Variants in ADCY9 observed in about 807,000 individuals in gnomAD.
ADCY9 encodes adenylate cyclase 9, also known as adenylate cyclase type 9.
A neutral mutation model predicts 101.5 loss-of-function variants in ADCY9; 50 were observed. That is an observed-to-expected ratio of 0.49 (90% CI 0.39 to 0.62). The LOEUF is 0.62. Among genes scored for constraint, ADCY9 ranks in the 20% least tolerant of loss-of-function variants. The probability of loss-of-function intolerance (pLI) is 0.00; values close to 1 mark genes in which losing one functional copy is unlikely to be tolerated. For synonymous variants in ADCY9, 905 were observed against 769.3 expected (o/e 1.18, Z -2.92); for missense variants, 1,662 against 1,800.4 (o/e 0.92, Z 1.39).
intron 6 of ADCY9, among the ~76,000 whole-genome samples, chr16:3,986,472 G>A (rs371985247): frequency 1.3e-3 from 194 of 152,056 alleles, no homozygotes; most frequent in African/African-American, 4.1e-3. Flanking sequence ...TTTTTGAGAC[G>A]GAGTTTCACT....
chr16:4,087,494 T>A (rs143715428), intron 2 of ADCY9, among the ~76,000 whole-genome samples: 1 of 149,856 alleles, frequency 6.7e-6, no homozygotes, highest in African/African-American at 2.5e-5. Flanking sequence ...TATGATCACA[T>A]TGCTGCACTC....
intron 2 of ADCY9, among the ~76,000 whole-genome samples, chr16:4,113,259 G>T (rs139472766): frequency 2.6e-5 from 4 of 151,964 alleles, no homozygotes; most frequent in African/African-American, 9.7e-5. Flanking sequence ...GCAGGACTGC[G>T]CCGACTTCCT....
intron 2 of ADCY9, among the ~76,000 whole-genome samples, chr16:4,056,364 C>T (rs2056738129): frequency 6.6e-6 from 1 of 152,202 alleles, no homozygotes; most frequent in African/African-American, 2.4e-5. Context: ...AGGGATTCTC[C>T]TGCCTCAGCC....
intron 3 of ADCY9, among the ~76,000 whole-genome samples, chr16:4,004,063 C>A (rs1343674407): frequency 1.3e-5 from 2 of 151,536 alleles, no homozygotes; most frequent in Non-Finnish European, 2.9e-5. Context: ...TGGCAACCAT[C>A]CTGGGCAATA....
In ADCY9 at chr16:3,993,463, G is replaced by A. The variant is rs760740972; in HGVS notation, c.1932C>T (p.Gly644=). 10 of 1,614,060 alleles carry A rather than the reference G, an allele frequency of 6.2e-6. No homozygotes were observed. In the East Asian group the frequency reaches 1.3e-4, roughly 22 times the overall value. The change falls in exon 4 of 11, where the codon GGC becomes GGT. Residue 644 remains glycine, a synonymous_variant. Coordinates refer to ENST00000294016, the MANE Select transcript of ADCY9 (RefSeq NM_001116.4). ...GITFAPKSEA[G]AEGGAPQNGC... is the part of the protein sequence containing the mutation. Reference sequence around the variant, plus strand: ...CGTTTTGAGGTGCTCCTCCCTCGGCGCCGGCTTCAGATTTGGGAGCAAATG... The same window carrying A: ...CGTTTTGAGGTGCTCCTCCCTCGGCACCGGCTTCAGATTTGGGAGCAAATG...
At chr16:4,043,370 G>A (rs1398314784) in intron 2 of ADCY9, among the ~76,000 whole-genome samples, 6 of 151,204 alleles carry the variant, frequency 4.0e-5, no homozygotes, top group Non-Finnish European at 7.4e-5. Flanking sequence ...CGGTTCCCTC[G>A]TTTTTTCACA....
Position 3,979,018 on chromosome 16 carries a change from G to A in ADCY9, c.2679+98C>T, listed in dbSNP as rs191625111. 4.8e-4 allele frequency: 722 copies of A among 1,514,436 alleles called. 8 individuals carry two copies. The East Asian group carries it at 0.011, about 23-fold the overall frequency. 93.8% of individuals were successfully genotyped at this position (1,514,436 alleles called of 1,614,324 possible). On this transcript the variant is annotated intron_variant, in intron 8 of 10. Transcript: ENST00000294016. ...GCGTGAGCCACCATGCCTGGCCAAA[G>A]GGTTTATTTTTAAATTGCTATCCCA...
In ADCY9 at chr16:4,115,339, T is replaced by C. The variant is rs750058500; in HGVS notation, c.104A>G (p.Lys35Arg). ...SNSVRVKINP[K>R]QLSSNSHPKH... Reference sequence around the variant, plus strand: ...GGGGTGGCTGTTGGAGGACAGCTGCTTGGGGTTGATCTTGACGCGCACGCT... The same window carrying C: ...GGGGTGGCTGTTGGAGGACAGCTGCCTGGGGTTGATCTTGACGCGCACGCT... The change falls in exon 2 of 11, where the codon AAG becomes AGG. Residue 35 changes from lysine (K) to arginine (R), a missense_variant. Lys to Arg is a conservative substitution (Grantham distance 26). This residue lies in a region of ADCY9 where 422 missense variants were observed against 392.0 expected (regional missense o/e 1.08). Transcript: ENST00000294016. The surrounding 1 kb of genome is among the most constrained non-coding windows in gnomAD (Gnocchi z 6.2). 13 of 1,613,218 alleles carry C rather than the reference T, an allele frequency of 8.1e-6. No individual in the cohort carries two copies. In the East Asian group the frequency reaches 1.1e-4, roughly 14 times the overall value.
chr16:3,993,991 G>T (rs541110646), intron 3 of ADCY9, among the ~76,000 whole-genome samples: 1 of 152,150 alleles, frequency 6.6e-6, no homozygotes, highest in East Asian at 1.9e-4. Flanking sequence ...GGGCAGGAAG[G>T]GGGAGTGGCT....
At chr16:4,060,027 G>A (rs1377777673) in intron 2 of ADCY9, among the ~76,000 whole-genome samples, 1 of 152,206 alleles carries the variant, frequency 6.6e-6, no homozygotes, top group Admixed American at 6.5e-5. Context: ...ACATCTACCA[G>A]GGTGGGACGA....
At chr16:4,021,569 G>A (rs959009632) in intron 2 of ADCY9, among the ~76,000 whole-genome samples, 3 of 152,202 alleles carry the variant, frequency 2.0e-5, no homozygotes, top group Non-Finnish European at 2.9e-5. Context: ...AGAGCTAGGA[G>A]AGTATCAGAG....
At chr16:4,007,656 G>C (rs2056376199) in intron 2 of ADCY9, 98 bp from the exon 3 acceptor site, 1 of 1,038,114 alleles carries the variant, frequency 9.6e-7, no homozygotes. Context: ...CTCCTGGAAA[G>C]TTGAGAGTAA....
intron 5 of ADCY9, among the ~76,000 whole-genome samples, chr16:3,991,313 A>T (rs566239568): frequency 1.4e-4 from 21 of 152,316 alleles, no homozygotes; most frequent in African/African-American, 5.0e-4. Context: ...ATCACTAATG[A>T]GGAACAGACG....
At position 3,978,830 on chromosome 16, in the gene ADCY9, C is replaced by T. The variant is rs146673860; in HGVS notation, c.2679+286G>A. 6.8e-3 allele frequency among the ~76,000 whole-genome samples: 1,034 copies of T among 152,298 alleles called. 10 individuals are homozygous for T. Among genetic ancestry groups the T allele is most frequent in the African/African-American group, 0.023 (959 of 41,560 alleles). The stretch of plus-strand genomic sequence containing the variant: ...TGCCTCCCAGGTTCAAGCGATTCTC[C>T]TGCCTCAGCCTCCCAAGTAGCTGGG... On this transcript the variant is annotated intron_variant, in intron 8 of 10. Transcript: ENST00000294016.
At chr16:3,962,171 T>C (rs573206960), downstream of ADCY9, among the ~76,000 whole-genome samples, 6 of 152,216 alleles carry the variant, frequency 3.9e-5, no homozygotes, top group Admixed American at 6.5e-5. Context: ...ATGTGTGTTT[T>C]TCTGGGAAGA....
At chr16:4,031,547 C>A (rs548922588) in intron 2 of ADCY9, among the ~76,000 whole-genome samples, 19 of 152,118 alleles carry the variant, frequency 1.2e-4, no homozygotes, top group Non-Finnish European at 2.1e-4. Context: ...GTTCATTATA[C>A]TATTATTTCA....
At chr16:4,041,085 G>T (rs755138182) in intron 2 of ADCY9, among the ~76,000 whole-genome samples, 13 of 152,094 alleles carry the variant, frequency 8.5e-5, no homozygotes, top group Non-Finnish European at 1.6e-4. Flanking sequence ...AATCATATAG[G>T]GGACATTAAA....
chr16:3,957,931 T>C (rs1413407263), downstream of ADCY9, among the ~76,000 whole-genome samples: 2 of 152,040 alleles, frequency 1.3e-5, no homozygotes, highest in Admixed American at 6.6e-5. Flanking sequence ...CTCCCTCTCA[T>C]CCTAGAGGGC....
intron 3 of ADCY9, among the ~76,000 whole-genome samples, chr16:4,003,844 C>A (rs1054747977): frequency 2.0e-5 from 3 of 152,106 alleles, no homozygotes; most frequent in African/African-American, 7.2e-5. Flanking sequence ...GTCCTCATGT[C>A]TAATGCTTAC....
Sources: allele counts gnomAD v4.1 joint callset (sites outside exome capture counted in the v4.1 genomes callset), GRCh38; gene constraint gnomAD v4.1.1; regional missense constraint gnomAD v4.1.1; non-coding constraint Gnocchi (gnomAD v3.1); transcripts MANE v1.5; gene names NCBI Gene and HGNC (gene_info 2026-07-23, HGNC 2026-07-21).